TRPM1: variants seen among roughly 807,000 people sequenced by gnomAD.
TRPM1 encodes the protein transient receptor potential cation channel subfamily M member 1, also known as TRPM1-203 APA Isoform, Intron 10.
In TRPM1, 113 loss-of-function variants were observed where a neutral mutation model predicts 149.4. The observed-to-expected ratio is 0.76, with a 90% CI of 0.65 to 0.88. TRPM1 has a LOEUF of 0.88. TRPM1 is among the 40% of genes least tolerant of loss of function. The probability of loss-of-function intolerance (pLI) is 0.00; values close to 1 mark genes in which losing one functional copy is unlikely to be tolerated. For missense variants in TRPM1, 1,976 were observed against 2,038.7 expected, an observed-to-expected ratio of 0.97 and a Z score of 0.59; for synonymous variants, 741 against 759.5, an observed-to-expected ratio of 0.98 and a Z score of 0.40.
chr15:31,039,974 TA>T, intron 18 of TRPM1, 143 bp downstream of exon 18: 1 of 757,976 alleles, frequency 1.3e-6, no homozygotes, highest in Non-Finnish European at 2.3e-6. Context: ...TCCTCATCTA[TA>T]AGACAATGAT....
chr15:31,160,971 A>G, exon 1 of TRPM1: 1 of 1,535,440 alleles, frequency 6.5e-7, no homozygotes, highest in Non-Finnish European at 8.7e-7. Context: ...TCTCTCAGTG[A>G]GCCTGTGAGC....
intron 1 of TRPM1, among the ~76,000 whole-genome samples, chr15:31,092,360 A>C (rs2035262589): frequency 6.6e-6 from 1 of 151,988 alleles, no homozygotes; most frequent in African/African-American, 2.4e-5. Flanking sequence ...GGGGCTGTGG[A>C]TGAGTTAGGG....
At chr15:31,085,492 G>C (rs767565553) in intron 1 of TRPM1, among the ~76,000 whole-genome samples, 1 of 152,166 alleles carries the variant, frequency 6.6e-6, no homozygotes, top group Middle Eastern at 3.2e-3. Context: ...CAACATTGTC[G>C]GGGCTTTACT....
At chr15:31,127,902 GA>G (rs1216354502) in intron 1 of TRPM1, among the ~76,000 whole-genome samples, 1 of 152,174 alleles carries the variant, frequency 6.6e-6, no homozygotes, top group Non-Finnish European at 1.5e-5. Flanking sequence ...CCTGGAAGTG[GA>G]GGTCCCTGTA....
chr15:31,085,954 T>G (rs1309450673), intron 1 of TRPM1, among the ~76,000 whole-genome samples: 1 of 152,184 alleles, frequency 6.6e-6, no homozygotes, highest in African/African-American at 2.4e-5. Flanking sequence ...CTGATGGGTG[T>G]AGGATGTCCT....
At chr15:31,137,731 A>G (rs1439763527) in intron 1 of TRPM1, among the ~76,000 whole-genome samples, 1 of 152,218 alleles carries the variant, frequency 6.6e-6, no homozygotes, top group Non-Finnish European at 1.5e-5. Flanking sequence ...AATATTCACA[A>G]TCTATTAACT....
chr15:31,114,344 T>C (rs577797309), intron 1 of TRPM1, among the ~76,000 whole-genome samples: 24 of 152,366 alleles, frequency 1.6e-4, no homozygotes, highest in Admixed American at 8.5e-4. Context: ...GCAAAGGACA[T>C]GATCTTGTTC....
chr15:31,124,998 A>G (rs1263897461), intron 1 of TRPM1, among the ~76,000 whole-genome samples: 1 of 151,900 alleles, frequency 6.6e-6, no homozygotes, highest in Non-Finnish European at 1.5e-5. Context: ...ACATGGTGAA[A>G]CCCCGTCTCT....
intron 7 of TRPM1, among the ~76,000 whole-genome samples, chr15:31,064,161 A>G (rs964797005): frequency 1.4e-4 from 22 of 152,260 alleles, no homozygotes; most frequent in African/African-American, 4.8e-4. Context: ...TTGTAAAAAT[A>G]TCAGAATATG....
intron 11 of TRPM1, among the ~76,000 whole-genome samples, chr15:31,053,028 G>C (rs1019690430): frequency 6.6e-6 from 1 of 151,990 alleles, no homozygotes; most frequent in Admixed American, 6.6e-5. Flanking sequence ...TATGATAAGG[G>C]GTTCATAGCC....
At chr15:31,113,238 A>C (rs1350689440) in intron 1 of TRPM1, among the ~76,000 whole-genome samples, 1 of 152,134 alleles carries the variant, frequency 6.6e-6, no homozygotes, top group Non-Finnish European at 1.5e-5. Flanking sequence ...CCAAATCAAC[A>C]AGAAAGGGAG....
At chr15:31,053,597 C>G (rs993848619) in intron 11 of TRPM1, among the ~76,000 whole-genome samples, 3 of 152,170 alleles carry the variant, frequency 2.0e-5, no homozygotes, top group African/African-American at 7.2e-5. Context: ...CAGAAAATGA[C>G]AAATGTTTGT....
At chr15:31,069,880 A>G in intron 4 of TRPM1, 151 bp downstream of exon 4, 2 of 1,596,302 alleles carry the variant, frequency 1.3e-6, no homozygotes, top group Non-Finnish European at 1.7e-6. Flanking sequence ...AGCCATGTGC[A>G]CAGATATATC....
At position 31,049,499 on chromosome 15, in the gene TRPM1, A is replaced by G; in HGVS notation, c.1448T>C (p.Leu483Ser). 11 of 1,613,962 alleles carry G rather than the reference A, an allele frequency of 6.8e-6. No homozygotes were observed. The highest frequency in any genetic ancestry group is 9.3e-6 in the Non-Finnish European group (11 of 1,180,036). ...TAAAGCATCTAGCATCGCTTGCTCCAAAGCATTCACCTGCAGGGACCAAGG... is the reference window on the plus strand; with the variant it reads ...TAAAGCATCTAGCATCGCTTGCTCCGAAGCATTCACCTGCAGGGACCAAGG... ...KIELLNWVNA[L>S]EQAMLDALVL... is the part of the protein sequence containing the mutation. The change falls in exon 13 of 28, where the codon TTG becomes TCG. Residue 483 changes from leucine to serine, a missense_variant. By Grantham distance (145) the Leu-to-Ser change is moderately radical. Coordinates refer to ENST00000256552, the MANE Select transcript of TRPM1 (RefSeq NM_001252024.2).
At chr15:31,096,583 G>A (rs1303431890) in intron 1 of TRPM1, among the ~76,000 whole-genome samples, 1 of 152,212 alleles carries the variant, frequency 6.6e-6, no homozygotes, top group Non-Finnish European at 1.5e-5. Flanking sequence ...GTTGTGTTAA[G>A]GAGCTCCCCT....
At chr15:31,133,054 C>T (rs1356760528) in intron 1 of TRPM1, among the ~76,000 whole-genome samples, 1 of 152,190 alleles carries the variant, frequency 6.6e-6, no homozygotes, top group East Asian at 1.9e-4. Flanking sequence ...AGATGCATTT[C>T]ACTCATTTTG....
chr15:31,050,023 C>A (rs1461375744), intron 12 of TRPM1, among the ~76,000 whole-genome samples: 2 of 152,190 alleles, frequency 1.3e-5, no homozygotes, highest in Non-Finnish European at 2.9e-5. Context: ...CCCCACACAC[C>A]CAATCATGGG....
At chr15:31,069,687 G>T in intron 4 of TRPM1, 1 of 1,417,200 alleles carries the variant, frequency 7.1e-7, no homozygotes, top group South Asian at 1.7e-5. Context: ...CACATCTAAG[G>T]GGGCTGCAGG....
At chr15:31,074,047 C>A (rs768274323) in intron 3 of TRPM1, among the ~76,000 whole-genome samples, 4 of 151,074 alleles carry the variant, frequency 2.6e-5, no homozygotes, top group African/African-American at 4.8e-5. Flanking sequence ...TGGGATAAAC[C>A]CTGCTTGGTC....
Sources: allele counts gnomAD v4.1 joint callset (sites outside exome capture counted in the v4.1 genomes callset), GRCh38; gene constraint gnomAD v4.1.1; transcripts MANE v1.5; gene names NCBI Gene and HGNC (gene_info 2026-07-23, HGNC 2026-07-21).